Variants in PUM1 observed in about 807,000 individuals in gnomAD.
The protein encoded by PUM1 is pumilio RNA binding family member 1.
A neutral mutation model predicts 131.8 loss-of-function variants in PUM1; 13 were observed. The ratio of observed to expected loss-of-function variants is 0.10; its 90% CI spans 0.06 to 0.16. PUM1 has a LOEUF of 0.16. PUM1 is among the 10% of genes least tolerant of loss of function. The pLI is 1.00. For synonymous variants in PUM1, 509 were observed against 556.5 expected, an observed-to-expected ratio of 0.91 and a Z score of 1.20; for missense variants, 961 against 1,512.4, an observed-to-expected ratio of 0.64 and a Z score of 6.05.
chr1:30,983,047 C>T (rs1246745703), intron 7 of PUM1, among the ~76,000 whole-genome samples: 1 of 152,166 alleles, frequency 6.6e-6, no homozygotes, highest in African/African-American at 2.4e-5. Context: ...GGAACTGAAT[C>T]TACTGACAGA....
At chr1:31,057,406 AAAAAAAAAAAAAAAAAGAAAAAG>A (rs1644265803) in intron 2 of PUM1, among the ~76,000 whole-genome samples, 1 of 67,432 alleles carries the variant, frequency 1.5e-5, no homozygotes. Flanking sequence ...ACCTTGTCTC[AAAAAAAAAAAAAAAAAGAAAAAG>A]AAAAAAAAAA....
intron 3 of PUM1, among the ~76,000 whole-genome samples, chr1:31,028,364 T>G (rs541678272): frequency 7.7e-6 from 1 of 129,602 alleles, no homozygotes; most frequent in African/African-American, 3.0e-5. Context: ...ACTCTAAAAA[T>G]AGGTTACTGA....
In PUM1 at chr1:30,942,967, G is replaced by A. The variant is rs374317985; in HGVS notation, c.2995-844C>T. On this transcript the variant is annotated intron_variant, in intron 18 of 21. Coordinates refer to ENST00000426105, the MANE Select transcript of PUM1 (RefSeq NM_001020658.2). ...GACGGAGATTCGCTATGTTGCCCAG[G>A]CTGTTCCTGTACTCCTAGCCTTAAG... Among the ~76,000 whole-genome samples, 11 of 152,020 alleles carry A rather than the reference G, an allele frequency of 7.2e-5. No individual in the cohort carries two copies. In the East Asian group the frequency reaches 1.2e-3, roughly 16 times the overall value.
At position 30,980,111 on chromosome 1, in the gene PUM1, G is replaced by C; in HGVS notation, c.1305C>G (p.Pro435=). 1 of 1,614,004 alleles carries C rather than the reference G, an allele frequency of 6.2e-7. No homozygotes were observed. Among genetic ancestry groups the C allele is most frequent in the Non-Finnish European group, 8.5e-7 (1 of 1,179,954 alleles). Residue 435 remains proline (P), a synonymous_variant, in exon 9 of 22, where the codon CCC becomes CCG. Transcript: ENST00000426105. ...CAGCTGTGTAGGGGTCCGTCCCTGG[G>C]GGAGCAGCGCTGATGATGTATGGAT... ...VPNPYIISAA[P]PGTDPYTAGL...
chr1:31,063,969 GCTCA>G (rs1214497123), intron 1 of PUM1, among the ~76,000 whole-genome samples: 3 of 152,118 alleles, frequency 2.0e-5, no homozygotes, highest in Admixed American at 6.6e-5. Flanking sequence ...TATCAGAAAA[GCTCA>G]CTAATACGTG....
rs1639015323 is a variant in PUM1 at position 30,932,830 on chromosome 1, T to C, written c.*381A>G. 6.5e-6 allele frequency: 1 copy of C among 152,864 alleles called. No individual in the cohort carries two copies. The highest frequency in any genetic ancestry group is 2.4e-5 in the African/African-American group (1 of 41,372). The allele number at this position is 152,864 out of a possible 1,614,324, so 9.5% of individuals were successfully genotyped here. A position where few individuals can be genotyped will look rare whatever the true frequency, so the allele number is the denominator to read the frequency against. ...AATGAGCTAAAAACCTTTTCCTTTT[T>C]TTCTTTTTTTTTTAAAGCTTTTTTT... On this transcript the variant is annotated 3_prime_UTR_variant, in exon 22 of 22. Transcript: ENST00000426105.
intron 2 of PUM1, among the ~76,000 whole-genome samples, chr1:31,048,981 A>G (rs1241259005): frequency 6.6e-6 from 1 of 151,138 alleles, no homozygotes; most frequent in Non-Finnish European, 1.5e-5. Flanking sequence ...TGAGGCGGGT[A>G]GATCACCTGA....
At chr1:31,005,124 G>C (rs527940836) in intron 5 of PUM1, among the ~76,000 whole-genome samples, 79 of 152,236 alleles carry the variant, frequency 5.2e-4, no homozygotes, top group Non-Finnish European at 8.5e-4. Flanking sequence ...AACACTTCTC[G>C]ATCTAGAAAG....
chr1:30,975,102 T>C (rs1379633188), intron 9 of PUM1, among the ~76,000 whole-genome samples: 1 of 152,130 alleles, frequency 6.6e-6, no homozygotes, highest in African/African-American at 2.4e-5. Context: ...AGATGGAGGA[T>C]GTAGCATAGA....
chr1:31,040,931 A>G (rs556922481), intron 2 of PUM1, among the ~76,000 whole-genome samples: 2 of 152,324 alleles, frequency 1.3e-5, no homozygotes, highest in South Asian at 4.1e-4. Flanking sequence ...AAAAACATCA[A>G]TTTGGCAGTG....
rs139602906 is a variant in PUM1, at chr1:30,950,269, T to A, written c.2722-8A>T. On this transcript the variant is annotated splice_polypyrimidine_tract_variant and splice_region_variant and intron_variant, in intron 16 of 21. Transcript: ENST00000426105. ...CTGTTCAAGACTGCCAAACTAGACA[T>A]AATGTGTGGGTAAACACCATTACTT... is the stretch of plus-strand genomic sequence containing the variant. 5.5e-4 allele frequency: 893 copies of A among 1,611,486 alleles called. 13 individuals are homozygous for A. The East Asian group carries it at 0.017, about 31-fold the overall frequency.
intron 5 of PUM1, among the ~76,000 whole-genome samples, chr1:30,999,184 G>A (rs936014715): frequency 1.1e-4 from 16 of 152,106 alleles, no homozygotes; most frequent in African/African-American, 3.9e-4. Context: ...ATTTTTTGTA[G>A]AGATGGGGTC....
intron 15 of PUM1, among the ~76,000 whole-genome samples, chr1:30,952,743 C>T (rs1321121583): frequency 1.4e-5 from 2 of 147,268 alleles, no homozygotes; most frequent in East Asian, 2.0e-4. Context: ...GGAGACATAA[C>T]ACAACATGTA....
intron 1 of PUM1, among the ~76,000 whole-genome samples, chr1:31,060,276 C>T (rs1041216666): frequency 1.3e-5 from 2 of 151,390 alleles, no homozygotes; most frequent in African/African-American, 4.8e-5. Context: ...GCCTGGCCAA[C>T]ATGGTGAAAC....
At chr1:30,964,951 T>G in intron 13 of PUM1, 41 bp from the exon 14 acceptor site, 12 of 1,521,156 alleles carry the variant, frequency 7.9e-6, no homozygotes, top group South Asian at 2.3e-5. Flanking sequence ...AACAGGCCTG[T>G]TCTTCGAAGA....
At chr1:31,036,068 C>G (rs1370832541) in intron 2 of PUM1, among the ~76,000 whole-genome samples, 3 of 151,838 alleles carry the variant, frequency 2.0e-5, no homozygotes, top group South Asian at 4.2e-4. Context: ...AAATAGAATT[C>G]AAACTCAAGT....
intron 5 of PUM1, among the ~76,000 whole-genome samples, chr1:30,999,874 C>T (rs1036730239): frequency 1.3e-5 from 2 of 152,174 alleles, no homozygotes; most frequent in Non-Finnish European, 2.9e-5. Flanking sequence ...CTATACATGA[C>T]ATCAAGAATA....
At chr1:30,965,421 TTTTG>T (rs551841445) in intron 13 of PUM1, among the ~76,000 whole-genome samples, 151 of 152,328 alleles carry the variant, frequency 9.9e-4, no homozygotes, top group African/African-American at 2.5e-3. Context: ...TAGGGATCAC[TTTTG>T]TTTGTTTGTT....
intron 10 of PUM1, 40 bp downstream of exon 10, chr1:30,974,611 C>A (rs372957495): frequency 3.2e-6 from 5 of 1,545,996 alleles, no homozygotes; most frequent in Non-Finnish European, 3.5e-6. Flanking sequence ...CACAATACTA[C>A]GATTCCCACT....
Sources: allele counts gnomAD v4.1 joint callset (sites outside exome capture counted in the v4.1 genomes callset), GRCh38; gene constraint gnomAD v4.1.1; transcripts MANE v1.5; gene names NCBI Gene and HGNC (gene_info 2026-07-23, HGNC 2026-07-21).